The following CXXC4 variants were observed in gnomAD, a reference collection of about 807,000 sequenced individuals.
The protein encoded by CXXC4 is CXXC-type zinc finger protein 4.
In CXXC4, 5 loss-of-function variants were observed where a neutral mutation model predicts 20.5. That is an observed-to-expected ratio of 0.24 (90% CI 0.13 to 0.51). CXXC4 has a LOEUF of 0.51. Among genes scored for constraint, CXXC4 ranks in the 20% least tolerant of loss-of-function variants. CXXC4 has a pLI of 0.97. For missense variants in CXXC4, 419 were observed against 496.4 expected, an observed-to-expected ratio of 0.84 and a Z score of 1.48; for synonymous variants, 250 against 216.4, an observed-to-expected ratio of 1.16 and a Z score of -1.36.
intron 2 of CXXC4, among the ~76,000 whole-genome samples, chr4:104,481,659 C>T (rs555635410): frequency 1.3e-5 from 2 of 152,032 alleles, no homozygotes; most frequent in African/African-American, 4.8e-5. Flanking sequence ...GTTCTTTAAG[C>T]CAGGATTTGT....
chr4:104,472,971 A>T (rs1023110896), intron 2 of CXXC4, among the ~76,000 whole-genome samples: 2 of 151,926 alleles, frequency 1.3e-5, no homozygotes, highest in African/African-American at 4.8e-5. Context: ...CTATGATTGA[A>T]TTACTCTGTC....
chr4:104,489,352 A>C lies in CXXC4; in HGVS notation c.1059+1392T>G, dbSNP rs1331922023. On this transcript the variant is annotated intron_variant, in intron 2 of 2. Coordinates refer to ENST00000394767, the MANE Select transcript of CXXC4 (RefSeq NM_025212.4). ...TTACACAATTAAAGGTTAAAAAAAA[A>C]ACTGTATCTTCTTTGTGTTCAAACC... 5.9e-5 allele frequency among the ~76,000 whole-genome samples: 9 copies of C among 152,228 alleles called. No individual in the cohort carries two copies. In the South Asian group the frequency reaches 1.0e-3, roughly 18 times the overall value.
Position 104,491,630 on chromosome 4 carries a change from G to C in CXXC4, c.173C>G (p.Pro58Arg). The change falls in exon 2 of 3, where the codon CCA becomes CGA. Residue 58 changes from proline to arginine, a missense_variant. Physicochemically the swap from Pro to Arg is moderately radical, Grantham distance 103. Transcript: ENST00000394767. ...SFYKTNGGAF[P>R]QAAKIARITT... is the part of the protein sequence containing the mutation. Reference sequence around the variant, plus strand: ...GATGCGCGCGATCTTGGCCGCCTGTGGGAAGGCGCCCCCGTTGGTCTTGTA... The same window carrying C: ...GATGCGCGCGATCTTGGCCGCCTGTCGGAAGGCGCCCCCGTTGGTCTTGTA... The C allele has an allele frequency of 6.5e-7, 1 of 1,543,438 alleles. No individual in the cohort carries two copies. Among genetic ancestry groups the C allele is most frequent in the Non-Finnish European group, 8.7e-7 (1 of 1,144,080 alleles).
At chr4:104,478,259 A>G (rs774179562) in intron 2 of CXXC4, among the ~76,000 whole-genome samples, 9 of 152,132 alleles carry the variant, frequency 5.9e-5, no homozygotes, top group Non-Finnish European at 1.3e-4. Flanking sequence ...ATGATTTTAG[A>G]CTGTGACGGT....
At position 104,491,106 on chromosome 4, in the gene CXXC4, C is replaced by G. The variant is rs746170519; in HGVS notation, c.697G>C (p.Val233Leu). Residue 233 changes from valine (V) to leucine (L), a missense_variant, in exon 2 of 3, where the codon GTG (valine) becomes CTG (leucine). By Grantham distance (32) the Val-to-Leu change is conservative. Around this residue, in one of 3 missense-constraint regions of CXXC4, gnomAD observed 388 missense variants for 416.0 expected, o/e 0.93. Transcript: ENST00000394767. ...EAEIMNLPER[V>L]GTFSAIPALG... Reference sequence around the variant, plus strand: ...GCCGGGATAGCGGAAAAAGTCCCCACGCGCTCGGGGAGATTCATTATCTCT... The same window carrying G: ...GCCGGGATAGCGGAAAAAGTCCCCAGGCGCTCGGGGAGATTCATTATCTCT... The G allele has an allele frequency of 2.5e-6, 4 of 1,614,110 alleles. No homozygotes were observed. Among genetic ancestry groups the G allele is most frequent in the African/African-American group, 1.3e-5 (1 of 75,046 alleles).
chr4:104,490,981 A>T lies in CXXC4; in HGVS notation c.822T>A (p.Ile274=). The T allele has an allele frequency of 6.2e-7, 1 of 1,613,936 alleles. No homozygotes were observed. Among genetic ancestry groups the T allele is most frequent in the East Asian group, 2.2e-5 (1 of 44,810 alleles). The change falls in exon 2 of 3, where the codon ATT becomes ATA. Residue 274 remains isoleucine (I), a synonymous_variant. Coordinates refer to ENST00000394767, the MANE Select transcript of CXXC4 (RefSeq NM_025212.4). ...TCTGCGGGCAGTCTGCCAGATTGGC[A>T]ATTTGAAACGCACTGTCTGTGACGG... is the stretch of plus-strand genomic sequence containing the variant. The part of the protein sequence containing the change: ...SAAVTDSAFQ[I]ANLADCPQNH...
intron 2 of CXXC4, among the ~76,000 whole-genome samples, chr4:104,482,681 G>T (rs1736586142): frequency 6.6e-6 from 1 of 152,042 alleles, no homozygotes; most frequent in Non-Finnish European, 1.5e-5. Flanking sequence ...ATGGTCTTCT[G>T]TTCACTTAAA....
intron 2 of CXXC4, among the ~76,000 whole-genome samples, chr4:104,481,293 G>A (rs1486048896): frequency 6.6e-6 from 1 of 152,182 alleles, no homozygotes; most frequent in Non-Finnish European, 1.5e-5. Flanking sequence ...ACTGTAGGAG[G>A]CTGGGGTGGG....
chr4:104,494,121 T>C (rs1321182746), intron 1 of CXXC4, among the ~76,000 whole-genome samples: 1 of 152,196 alleles, frequency 6.6e-6, no homozygotes, highest in Non-Finnish European at 1.5e-5. Flanking sequence ...TATTGTTTAA[T>C]CAATGCATCT....
intron 2 of CXXC4, among the ~76,000 whole-genome samples, chr4:104,490,154 A>T (rs1736804260): frequency 6.6e-6 from 1 of 152,254 alleles, no homozygotes; most frequent in Admixed American, 6.5e-5. Flanking sequence ...AATATCAGAT[A>T]CGCAGAAAAT....
chr4:104,477,733 A>T (rs1057394999), intron 2 of CXXC4, among the ~76,000 whole-genome samples: 1 of 152,024 alleles, frequency 6.6e-6, no homozygotes, highest in Admixed American at 6.6e-5. Context: ...ATCTAAATTT[A>T]AAAATATTTG....
intron 2 of CXXC4, among the ~76,000 whole-genome samples, chr4:104,485,843 A>G (rs997232874): frequency 5.9e-5 from 9 of 152,098 alleles, no homozygotes; most frequent in African/African-American, 1.9e-4. Context: ...TATAAGTCTG[A>G]CTATGCAAAA....
chr4:104,484,485 A>G (rs1408102331), intron 2 of CXXC4, among the ~76,000 whole-genome samples: 1 of 152,058 alleles, frequency 6.6e-6, no homozygotes, highest in East Asian at 1.9e-4. Flanking sequence ...CATCTTGAAT[A>G]TGACGTCTTT....
chr4:104,489,265 C>T (rs572174485), intron 2 of CXXC4, among the ~76,000 whole-genome samples: 5 of 151,906 alleles, frequency 3.3e-5, no homozygotes, highest in African/African-American at 1.2e-4. Context: ...CTGATCATAC[C>T]CAATAATGAC....
intron 1 of CXXC4, among the ~76,000 whole-genome samples, chr4:104,494,286 A>T (rs1736981843): frequency 6.6e-6 from 1 of 152,246 alleles, no homozygotes; most frequent in African/African-American, 2.4e-5. Context: ...ATGTGACTTT[A>T]CATGCCTAAT....
chr4:104,491,776 G>A lies in CXXC4; in HGVS notation c.27C>T (p.Pro9=), dbSNP rs1037431531. 1.5e-5 allele frequency: 23 copies of A among 1,526,850 alleles called. No individual in the cohort carries two copies. The highest frequency in any genetic ancestry group is 1.8e-5 in the Non-Finnish European group (21 of 1,135,764). 94.6% of individuals were successfully genotyped at this position (1,526,850 alleles called of 1,614,324 possible). A position where few individuals can be genotyped will look rare whatever the true frequency, so the allele number is the denominator to read the frequency against. The change falls in exon 2 of 3, where the codon CCC becomes CCT. Residue 9 remains proline (P), a synonymous_variant. Coordinates refer to ENST00000394767, the MANE Select transcript of CXXC4 (RefSeq NM_025212.4). ...AGCCCGGGGCCTCCGGGCTCGGCCC[G>A]GGCTCCACGCAGACATTGGTGTTCA... MNTNVCVE[P]GPSPEAPGLP... is the part of the protein sequence containing the mutation.
rs2110268184 is a variant in CXXC4 at position 104,471,106 on chromosome 4, T to A, written c.*1216A>T. The A allele has an allele frequency of 6.6e-6, 1 of 152,128 alleles. No homozygotes were observed. The highest frequency in any genetic ancestry group is 6.6e-5 in the Admixed American group (1 of 15,240). The allele number at this position is 152,128 out of a possible 1,614,324, so 9.4% of individuals were successfully genotyped here. A position where few individuals can be genotyped will look rare whatever the true frequency, so the allele number is the denominator to read the frequency against. ...ACCAGGGGAAGACCACTAGTCCAAC[T>A]GGGTGGCTATGAGAAAAGAAAATAA... On this transcript the variant is annotated 3_prime_UTR_variant, in exon 3 of 3. Transcript: ENST00000394767.
intron 1 of CXXC4, among the ~76,000 whole-genome samples, chr4:104,493,113 C>G (rs1736946387): frequency 1.3e-5 from 2 of 151,618 alleles, no homozygotes. Context: ...TAATTTTGCT[C>G]TTTTTAAGAG....
intron 1 of CXXC4, among the ~76,000 whole-genome samples, chr4:104,494,108 C>A (rs1357342774): frequency 6.6e-6 from 1 of 152,114 alleles, no homozygotes. Context: ...GTATCCAGGT[C>A]ATTATTGTTT....
Sources: gnomAD v4.1 joint callset for allele counts (sites outside exome capture counted in the v4.1 genomes callset) on GRCh38, gnomAD v4.1.1 for gene constraint, gnomAD v4.1.1 regional missense constraint, MANE v1.5 for transcripts, NCBI Gene and HGNC (gene_info 2026-07-23, HGNC 2026-07-21) for gene names.